The following ADGRB3 variants were observed in gnomAD, a reference collection of about 807,000 sequenced individuals.
ADGRB3 encodes adhesion G protein-coupled receptor B3.
In ADGRB3, 37 loss-of-function variants were observed where a neutral mutation model predicts 193.4. The observed-to-expected ratio is 0.19, with a 90% confidence interval of 0.15 to 0.25. The LOEUF is 0.25. ADGRB3 is among the 10% of genes least tolerant of loss of function. The pLI is 1.00. For synonymous variants in ADGRB3, 690 were observed against 644.2 expected, an observed-to-expected ratio of 1.07 and a Z score of -1.08; for missense variants, 1,637 against 1,852.9, an observed-to-expected ratio of 0.88 and a Z score of 2.14.
chr6:68,807,996 A>G (rs909653432), intron 3 of ADGRB3, among the ~76,000 whole-genome samples: 2 of 152,192 alleles, frequency 1.3e-5, no homozygotes, highest in South Asian at 2.1e-4. Flanking sequence ...TCTTTTTACA[A>G]TAACTTTGTT....
chr6:69,201,149 A>G (rs1235572922), intron 17 of ADGRB3, among the ~76,000 whole-genome samples: 2 of 152,052 alleles, frequency 1.3e-5, no homozygotes, highest in African/African-American at 2.4e-5. Flanking sequence ...TGAAGAAACA[A>G]ATAACAAAAC....
At chr6:69,134,040 T>C (rs901964198) in intron 17 of ADGRB3, among the ~76,000 whole-genome samples, 1 of 152,162 alleles carries the variant, frequency 6.6e-6, no homozygotes, top group Non-Finnish European at 1.5e-5. Context: ...GTCCGAGTAG[T>C]ATTCCATGGT....
At chr6:68,749,568 T>C (rs1456159757) in intron 3 of ADGRB3, among the ~76,000 whole-genome samples, 1 of 152,108 alleles carries the variant, frequency 6.6e-6, no homozygotes, top group African/African-American at 2.4e-5. Context: ...CAAATAACTG[T>C]ATCATGATTA....
chr6:69,369,134 G>T (rs1030743850), intron 29 of ADGRB3, among the ~76,000 whole-genome samples: 3 of 151,976 alleles, frequency 2.0e-5, no homozygotes, highest in Non-Finnish European at 4.4e-5. Flanking sequence ...AATTGTTATG[G>T]CTTGACCACT....
chr6:69,320,095 C>T (rs1485125878), intron 20 of ADGRB3, among the ~76,000 whole-genome samples: 1 of 151,190 alleles, frequency 6.6e-6, no homozygotes, highest in Non-Finnish European at 1.5e-5. Flanking sequence ...GAACCATTAA[C>T]ATAAATGTTC....
chr6:69,268,640 G>C (rs940806372), intron 20 of ADGRB3, among the ~76,000 whole-genome samples: 4 of 152,136 alleles, frequency 2.6e-5, no homozygotes, highest in Non-Finnish European at 4.4e-5. Context: ...CTTGTTCTCA[G>C]CATGGAAGCA....
chr6:69,289,902 A>G (rs182576798), intron 20 of ADGRB3, among the ~76,000 whole-genome samples: 6 of 152,126 alleles, frequency 3.9e-5, no homozygotes, highest in African/African-American at 1.4e-4. Context: ...TGGCACAGCC[A>G]TTAGAGAATC....
intron 3 of ADGRB3, among the ~76,000 whole-genome samples, chr6:68,732,987 C>T (rs1012354064): frequency 1.3e-5 from 2 of 151,742 alleles, no homozygotes; most frequent in Non-Finnish European, 2.9e-5. Flanking sequence ...CATGATGATG[C>T]TGTTGACTTG....
chr6:69,279,087 A>G (rs879645088), intron 20 of ADGRB3, among the ~76,000 whole-genome samples: 1,949 of 120,060 alleles, frequency 0.016, 99 homozygotes, highest in African/African-American at 0.024. Context: ...ATATATATAT[A>G]TATATATATA....
intron 20 of ADGRB3, among the ~76,000 whole-genome samples, chr6:69,262,055 T>G (rs1766942050): frequency 2.6e-5 from 4 of 152,036 alleles, no homozygotes; most frequent in Non-Finnish European, 4.4e-5. Context: ...GAAAGGCATC[T>G]TAATGTATCA....
chr6:68,753,123 G>A (rs1287049263), intron 3 of ADGRB3, among the ~76,000 whole-genome samples: 1 of 152,166 alleles, frequency 6.6e-6, no homozygotes, highest in African/African-American at 2.4e-5. Flanking sequence ...TACCACCCTA[G>A]GCGATAGGGA....
rs187451379 is a variant in ADGRB3 at position 68,931,375 on chromosome 6, A to G, written c.868+706A>G. Among the ~76,000 whole-genome samples, 29 of 152,168 alleles carry G rather than the reference A, an allele frequency of 1.9e-4. No individual in the cohort carries two copies. In the East Asian group the frequency reaches 2.9e-3, roughly 15 times the overall value. On this transcript the variant is annotated intron_variant, in intron 4 of 31. Coordinates refer to ENST00000370598, the MANE Select transcript of ADGRB3 (RefSeq NM_001704.3). ...CCCATTATTTAGTTACAGAATTTGA[A>G]CTAATATATGTATTCATATTTTTTC...
rs77099016 is a variant in ADGRB3 at position 68,668,192 on chromosome 6, C to T, written c.757+28760C>T. Among the ~76,000 whole-genome samples, 853 of 152,076 alleles carry T rather than the reference C, an allele frequency of 5.6e-3. 6 individuals carry two copies. Among genetic ancestry groups the T allele is most frequent in the African/African-American group, 0.019 (772 of 41,508 alleles). On this transcript the variant is annotated intron_variant, in intron 3 of 31. Transcript: ENST00000370598. The stretch of plus-strand genomic sequence containing the variant: ...GCCTCATGCTAAATCTTTTCATAAG[C>T]ATCAATAGTGGAATGATCCCCCAAA...
At chr6:68,719,313 GA>G (rs373035277) in intron 3 of ADGRB3, among the ~76,000 whole-genome samples, 278 of 151,810 alleles carry the variant, frequency 1.8e-3, no homozygotes, top group Non-Finnish European at 3.4e-3. Context: ...TATGGCTATG[GA>G]ACATTTTAGG....
chr6:68,974,688 T>A, intron 8 of ADGRB3, 75 bp from the exon 9 acceptor site: 1 of 1,099,536 alleles, frequency 9.1e-7, no homozygotes, highest in Non-Finnish European at 1.4e-6. Context: ...GTTAGAGAGG[T>A]GCCTTTGACA....
At chr6:68,658,627 T>G (rs540064003) in intron 3 of ADGRB3, among the ~76,000 whole-genome samples, 1 of 151,482 alleles carries the variant, frequency 6.6e-6, no homozygotes, top group East Asian at 1.9e-4. Context: ...TTTTACTCAC[T>G]AATACAAAGT....
At chr6:69,308,824 T>C (rs1029645749) in intron 20 of ADGRB3, among the ~76,000 whole-genome samples, 4 of 151,660 alleles carry the variant, frequency 2.6e-5, no homozygotes, top group Admixed American at 1.3e-4. Flanking sequence ...CGTGTAAACA[T>C]TCCAGCTGAC....
intron 31 of ADGRB3, among the ~76,000 whole-genome samples, chr6:69,384,836 G>GT (rs2127241304): frequency 6.6e-6 from 1 of 152,082 alleles, no homozygotes; most frequent in South Asian, 2.1e-4. Context: ...ATGAGCATGA[G>GT]TGAGTTCATT....
chr6:69,069,440 G>T (rs1772006260), intron 16 of ADGRB3, among the ~76,000 whole-genome samples: 1 of 149,532 alleles, frequency 6.7e-6, no homozygotes, highest in Admixed American at 6.8e-5. Context: ...TTTTTAATGT[G>T]TCCTTCTGAA....
Sources: allele counts gnomAD v4.1 joint callset (sites outside exome capture counted in the v4.1 genomes callset), GRCh38; gene constraint gnomAD v4.1.1; transcripts MANE v1.5; gene names NCBI Gene and HGNC (gene_info 2026-07-23, HGNC 2026-07-21).